The following SLC24A2 variants were observed in gnomAD, a reference collection of about 807,000 sequenced individuals.
SLC24A2 encodes the protein sodium/potassium/calcium exchanger 2.
A neutral mutation model predicts 62.0 loss-of-function variants in SLC24A2; 36 were observed. The observed-to-expected ratio is 0.58, with a 90% CI of 0.44 to 0.77. SLC24A2 has a LOEUF of 0.77. Ranked by LOEUF, SLC24A2 falls within the 30% of genes least tolerant of loss-of-function variation. SLC24A2 has a pLI of 0.00. For missense variants in SLC24A2, 846 were observed against 817.9 expected, an observed-to-expected ratio of 1.03 and a Z score of -0.42; for synonymous variants, 358 against 294.0, an observed-to-expected ratio of 1.22 and a Z score of -2.23.
At chr9:19,630,726 G>A (rs751399375) in intron 2 of SLC24A2, among the ~76,000 whole-genome samples, 1 of 151,962 alleles carries the variant, frequency 6.6e-6, no homozygotes, top group Non-Finnish European at 1.5e-5. Flanking sequence ...GGAATTTCCA[G>A]GAAGCAAAAA....
intron 2 of SLC24A2, among the ~76,000 whole-genome samples, chr9:19,686,383 T>A (rs1046698054): frequency 1.3e-5 from 2 of 152,136 alleles, no homozygotes; most frequent in Non-Finnish European, 2.9e-5. Context: ...GAAGTAACAT[T>A]TGACCCAGCA....
chr9:19,860,279 A>G, the SLC24A2 span, among the ~76,000 whole-genome samples: 13 of 152,220 alleles, frequency 8.5e-5, no homozygotes, highest in South Asian at 2.1e-4. Context: ...ATAAGGCAAC[A>G]GTCACAGTCA....
rs1004330966 is a variant in SLC24A2 at position 19,508,583 on chromosome 9, A to C, written c.*7570T>G. The C allele has an allele frequency of 2.6e-5, 4 of 152,170 alleles. No individual in the cohort carries two copies. Among genetic ancestry groups the C allele is most frequent in the African/African-American group, 9.7e-5 (4 of 41,444 alleles). 9.4% of individuals were successfully genotyped at this position (152,170 alleles called of 1,614,324 possible). On this transcript the variant is annotated 3_prime_UTR_variant, in exon 11 of 11. Transcript: ENST00000341998. ...CAAAGCAGGAGGATCTCTTGAGCCC[A>C]GGAGTTTGAGACCAGCCTGGGTAAC... is the stretch of plus-strand genomic sequence containing the variant.
At chr9:20,021,623 G>A in the SLC24A2 span, among the ~76,000 whole-genome samples, 1 of 151,910 alleles carries the variant, frequency 6.6e-6, no homozygotes. Flanking sequence ...CAAGCACACA[G>A]GTTCAGTATA....
At chr9:19,634,277 GCCTCT>G (rs1278329990) in intron 2 of SLC24A2, among the ~76,000 whole-genome samples, 3 of 131,754 alleles carry the variant, frequency 2.3e-5, no homozygotes, top group Non-Finnish European at 3.2e-5. Context: ...TGAAACTGCA[GCCTCT>G]TTTTTTTTTT....
chr9:19,687,920 C>T (rs1216421850), intron 2 of SLC24A2, among the ~76,000 whole-genome samples: 2 of 151,998 alleles, frequency 1.3e-5, no homozygotes, highest in Non-Finnish European at 1.5e-5. Flanking sequence ...GGGAGTCATC[C>T]CTTTGCCCCA....
the SLC24A2 span, among the ~76,000 whole-genome samples, chr9:20,056,748 G>A: frequency 2.0e-5 from 3 of 152,204 alleles, no homozygotes; most frequent in East Asian, 1.9e-4. Context: ...TGATTGCATG[G>A]CATCAAGACC....
In SLC24A2 at chr9:19,556,737, G is replaced by A. The variant is rs1482411842; in HGVS notation, c.1348-6469C>T. 3.3e-5 allele frequency among the ~76,000 whole-genome samples: 5 copies of A among 152,132 alleles called. No individual in the cohort carries two copies. The East Asian group carries it at 7.7e-4, about 23-fold the overall frequency. On this transcript the variant is annotated intron_variant, in intron 7 of 10. Coordinates refer to ENST00000341998, the MANE Select transcript of SLC24A2 (RefSeq NM_020344.4). ...GTCAAAATAGAATGTCAGCACTTAC[G>A]TATTTTACATAAAAACATAATTCAT...
rs1212865688 is a variant in SLC24A2 at position 19,515,253 on chromosome 9, AAAC to A, written c.*897_*899del. Reference sequence around the variant, plus strand: ...GCTGGGACAATATAAGAACAAAACAAAACAACCCAACCCTGGTTACCTCCCCAC... The same window carrying A: ...GCTGGGACAATATAAGAACAAAACAAAACCCAACCCTGGTTACCTCCCCAC... On this transcript the variant is annotated 3_prime_UTR_variant, in exon 11 of 11. Transcript: ENST00000341998. 1 of 152,198 alleles carries A rather than the reference AAAC, an allele frequency of 6.6e-6. No homozygotes were observed. The highest frequency in any genetic ancestry group is 1.5e-5 in the Non-Finnish European group (1 of 68,038). The allele number at this position is 152,198 out of a possible 1,614,324, so 9.4% of individuals were successfully genotyped here.
the SLC24A2 span, among the ~76,000 whole-genome samples, chr9:20,300,427 T>C: frequency 6.6e-6 from 1 of 152,216 alleles, no homozygotes; most frequent in East Asian, 1.9e-4. Context: ...CATGGAACTA[T>C]TGTGAGAAAC....
At chr9:19,984,100 G>C in the SLC24A2 span, among the ~76,000 whole-genome samples, 15 of 152,072 alleles carry the variant, frequency 9.9e-5, no homozygotes, top group African/African-American at 3.4e-4. Context: ...GGTTATGATG[G>C]GTTTATCAGA....
the SLC24A2 span, among the ~76,000 whole-genome samples, chr9:20,093,428 ACT>A: frequency 6.7e-6 from 1 of 149,762 alleles, no homozygotes; most frequent in East Asian, 2.0e-4. Flanking sequence ...TTTTTGAGTT[ACT>A]CTTTTTTGTC....
chr9:20,030,555 T>C, the SLC24A2 span, among the ~76,000 whole-genome samples: 5 of 152,040 alleles, frequency 3.3e-5, no homozygotes, highest in South Asian at 2.1e-4. Context: ...ATTTCCTGTA[T>C]GCCTATGATC....
the SLC24A2 span, among the ~76,000 whole-genome samples, chr9:19,975,260 ACT>A: frequency 6.6e-6 from 1 of 152,012 alleles, no homozygotes; most frequent in Non-Finnish European, 1.5e-5. Context: ...TCATTTTAAC[ACT>A]CCCTAGACAT....
Position 19,513,200 on chromosome 9 carries a change from T to G in SLC24A2, c.*2953A>C, listed in dbSNP as rs12236893. 3 of 97,504 alleles carry G rather than the reference T, an allele frequency of 3.1e-5. No individual in the cohort carries two copies. The highest frequency in any genetic ancestry group is 8.8e-5 in the African/African-American group (2 of 22,744). 6.0% of individuals were successfully genotyped at this position (97,504 alleles called of 1,614,324 possible). ...TGTATATATATATATATGTATATAT[T>G]TATATATGTATATACACAGGCATGC... On this transcript the variant is annotated 3_prime_UTR_variant, in exon 11 of 11. Transcript: ENST00000341998.
At chr9:19,584,841 A>G (rs936712110) in intron 5 of SLC24A2, among the ~76,000 whole-genome samples, 2 of 152,148 alleles carry the variant, frequency 1.3e-5, no homozygotes, top group African/African-American at 2.4e-5. Context: ...AATTTTTGTG[A>G]AGCATGATGC....
the SLC24A2 span, among the ~76,000 whole-genome samples, chr9:19,833,968 T>G: frequency 6.6e-6 from 1 of 152,126 alleles, no homozygotes. Flanking sequence ...GCAAACAGGG[T>G]CTGGAGTGGA....
At chr9:20,204,342 G>A in the SLC24A2 span, among the ~76,000 whole-genome samples, 11 of 152,190 alleles carry the variant, frequency 7.2e-5, no homozygotes, top group African/African-American at 1.7e-4. Context: ...GCGTTGCCAC[G>A]TCTTCTGCAT....
intron 7 of SLC24A2, among the ~76,000 whole-genome samples, chr9:19,556,160 TG>T (rs1320912635): frequency 6.6e-6 from 1 of 152,210 alleles, no homozygotes; most frequent in Non-Finnish European, 1.5e-5. Flanking sequence ...ATCTGGTAAA[TG>T]GGAGGTACAG....
Sources: allele counts gnomAD v4.1 joint callset (sites outside exome capture counted in the v4.1 genomes callset), GRCh38; gene constraint gnomAD v4.1.1; transcripts MANE v1.5; gene names NCBI Gene and HGNC (gene_info 2026-07-23, HGNC 2026-07-21).